The following TDRD5 variants were observed in gnomAD, a reference collection of about 807,000 sequenced individuals.
TDRD5 encodes the protein tudor domain containing 5.
Under a neutral mutation model 120.6 loss-of-function variants are expected in TDRD5, and 41 were observed. The observed-to-expected ratio is 0.34, with a 90% CI of 0.26 to 0.44. The LOEUF is 0.44. TDRD5 is among the 20% of genes least tolerant of loss of function. The probability of loss-of-function intolerance (pLI) is 1.00; values close to 1 mark genes in which losing one functional copy is unlikely to be tolerated. For missense variants in TDRD5, 1,006 were observed against 1,221.2 expected (o/e 0.82, Z 2.63); for synonymous variants, 430 against 433.7 (o/e 0.99, Z 0.11).
intron 11 of TDRD5, among the ~76,000 whole-genome samples, chr1:179,647,927 C>A (rs1024241584): frequency 6.6e-6 from 1 of 150,716 alleles, no homozygotes; most frequent in Non-Finnish European, 1.5e-5. Context: ...GAATGGCAAT[C>A]ATTAAAAAGT....
intron 3 of TDRD5, among the ~76,000 whole-genome samples, chr1:179,595,022 C>T: frequency 6.6e-6 from 1 of 151,964 alleles, no homozygotes; most frequent in Non-Finnish European, 1.5e-5. Context: ...ATCAGGATAT[C>T]TTGAAGTCAA....
intron 17 of TDRD5, among the ~76,000 whole-genome samples, chr1:179,686,919 T>C (rs1036395738): frequency 2.2e-5 from 3 of 134,766 alleles, no homozygotes; most frequent in African/African-American, 7.7e-5. Context: ...TGCATCTATT[T>C]GATTCTTCTC....
intron 6 of TDRD5, among the ~76,000 whole-genome samples, chr1:179,628,434 G>A (rs2101992714): frequency 6.9e-6 from 1 of 145,264 alleles, no homozygotes; most frequent in Admixed American, 7.2e-5. Context: ...AAGTAGCTGG[G>A]ATTACAGGCA....
intron 17 of TDRD5, among the ~76,000 whole-genome samples, chr1:179,670,285 G>C (rs1679789899): frequency 6.6e-6 from 1 of 151,974 alleles, no homozygotes; most frequent in Non-Finnish European, 1.5e-5. Flanking sequence ...AGCTACTTGG[G>C]GGAGGCTGAG....
intron 17 of TDRD5, among the ~76,000 whole-genome samples, chr1:179,688,562 T>G (rs1257545147): frequency 1.3e-5 from 2 of 152,256 alleles, no homozygotes; most frequent in African/African-American, 4.8e-5. Flanking sequence ...TGTGGTGTTC[T>G]CTGTGTTTCC....
chr1:179,655,246 C>G (rs1288186567), intron 14 of TDRD5, among the ~76,000 whole-genome samples: 1 of 152,138 alleles, frequency 6.6e-6, no homozygotes, highest in African/African-American at 2.4e-5. Flanking sequence ...CGCCTTACCA[C>G]CACCACACAC....
chr1:179,635,570 T>A, intron 8 of TDRD5, 97 bp from the exon 9 acceptor site: 3 of 1,115,948 alleles, frequency 2.7e-6, no homozygotes, highest in African/African-American at 1.6e-5. Context: ...CCCAAGTGAT[T>A]CTGATAAAGG....
chr1:179,655,975 C>T (rs1211333211), intron 14 of TDRD5, among the ~76,000 whole-genome samples: 1 of 151,978 alleles, frequency 6.6e-6, no homozygotes, highest in African/African-American at 2.4e-5. Context: ...CGGTAAATAC[C>T]CAGGAGTAAG....
At chr1:179,621,685 C>G (rs1299038639) in intron 6 of TDRD5, among the ~76,000 whole-genome samples, 4 of 152,104 alleles carry the variant, frequency 2.6e-5, no homozygotes, top group Non-Finnish European at 5.9e-5. Context: ...TTTTTAAAAC[C>G]ATAATGTTGA....
chr1:179,622,526 G>T (rs562704801), intron 6 of TDRD5, among the ~76,000 whole-genome samples: 1 of 152,204 alleles, frequency 6.6e-6, no homozygotes, highest in African/African-American at 2.4e-5. Context: ...CACATTAAAG[G>T]ATATAAAGGA....
chr1:179,680,201 C>T (rs181911619), intron 17 of TDRD5, among the ~76,000 whole-genome samples: 43 of 152,164 alleles, frequency 2.8e-4, no homozygotes, highest in Non-Finnish European at 4.9e-4. Context: ...ACATTTTTGA[C>T]ACTTTTATAG....
intron 4 of TDRD5, among the ~76,000 whole-genome samples, chr1:179,604,137 C>T (rs1356932396): frequency 6.6e-6 from 1 of 151,862 alleles, no homozygotes. Context: ...TTATCCATGT[C>T]TTCTAGGTTT....
chr1:179,686,797 C>A (rs1327256055), intron 17 of TDRD5, among the ~76,000 whole-genome samples: 2 of 152,162 alleles, frequency 1.3e-5, no homozygotes, highest in African/African-American at 2.4e-5. Context: ...AGGAATTTAT[C>A]CATTTCTTCT....
intron 11 of TDRD5, among the ~76,000 whole-genome samples, chr1:179,644,876 CT>C (rs1678254841): frequency 1.3e-5 from 2 of 151,448 alleles, no homozygotes; most frequent in South Asian, 4.2e-4. Flanking sequence ...ATTCTACTTT[CT>C]TTGGGTTTAT....
intron 17 of TDRD5, among the ~76,000 whole-genome samples, chr1:179,675,927 T>C (rs764690366): frequency 1.3e-5 from 2 of 152,202 alleles, no homozygotes; most frequent in Non-Finnish European, 2.9e-5. Context: ...TGACTTTCTG[T>C]CTAGTGCTGT....
At chr1:179,659,761 G>A (rs1213445929) in intron 14 of TDRD5, among the ~76,000 whole-genome samples, 1 of 151,668 alleles carries the variant, frequency 6.6e-6, no homozygotes, top group East Asian at 1.9e-4. Flanking sequence ...GCAATGGCAT[G>A]ATCTCAGCTC....
At chr1:179,602,448 G>T (rs1205447100) in intron 4 of TDRD5, among the ~76,000 whole-genome samples, 1 of 152,038 alleles carries the variant, frequency 6.6e-6, no homozygotes, top group African/African-American at 2.4e-5. Context: ...TGAAATCCTT[G>T]CCTAAGCCAA....
chr1:179,667,942 G>C (rs1679639195), intron 16 of TDRD5, among the ~76,000 whole-genome samples: 1 of 152,168 alleles, frequency 6.6e-6, no homozygotes, highest in Non-Finnish European at 1.5e-5. Flanking sequence ...AGAAAAACAA[G>C]CCTACATCTG....
At chr1:179,597,558 C>G (rs775894838) in intron 4 of TDRD5, among the ~76,000 whole-genome samples, 2 of 152,070 alleles carry the variant, frequency 1.3e-5, no homozygotes, top group Non-Finnish European at 2.9e-5. Flanking sequence ...TCTTGAACTC[C>G]TGACCTCAGG....
Sources: allele counts gnomAD v4.1 joint callset (sites outside exome capture counted in the v4.1 genomes callset), GRCh38; gene constraint gnomAD v4.1.1; transcripts MANE v1.5; gene names NCBI Gene and HGNC (gene_info 2026-07-23, HGNC 2026-07-21).